The following PTOV1 variants were observed in gnomAD, a reference collection of about 807,000 sequenced individuals.
PTOV1 encodes PTOV1 extended AT-hook containing adaptor protein, also known as prostate tumor-overexpressed gene 1 protein.
Under a neutral mutation model 58.0 loss-of-function variants are expected in PTOV1, and 20 were observed. The observed-to-expected ratio is 0.34, with a 90% CI of 0.24 to 0.50. The LOEUF (loss-of-function observed/expected upper bound fraction) is 0.50, where lower values mean the gene tolerates loss of function less well. Among genes scored for constraint, PTOV1 ranks in the 20% least tolerant of loss-of-function variants. PTOV1 has a pLI of 0.98. For missense variants in PTOV1, 593 were observed against 565.4 expected (o/e 1.05, Z -0.50); for synonymous variants, 335 against 234.2 (o/e 1.43, Z -3.93).
intron 8 of PTOV1, 39 bp downstream of exon 8, chr19:49,858,016 G>C: frequency 6.2e-7 from 1 of 1,613,464 alleles, no homozygotes; most frequent in Non-Finnish European, 8.5e-7. Flanking sequence ...GCATCCAGGG[G>C]AGCTGGGGCT....
At chr19:49,852,952 C>T (rs1247629149) in intron 1 of PTOV1, 1 of 152,212 alleles carries the variant, frequency 6.6e-6, no homozygotes, top group Non-Finnish European at 1.5e-5. Flanking sequence ...CCCGGGGCAA[C>T]ATCCACTCTC....
intron 9 of PTOV1, 191 bp downstream of exon 9, chr19:49,858,305 T>C: frequency 9.9e-6 from 8 of 804,958 alleles, no homozygotes; most frequent in South Asian, 1.8e-5. Flanking sequence ...AGCTGGTGGC[T>C]GTGCAGGGAC....
intron 10 of PTOV1, 185 bp from the exon 11 acceptor site, chr19:49,859,801 C>T (rs2074667039): frequency 3.1e-6 from 2 of 638,800 alleles, no homozygotes; most frequent in Non-Finnish European, 2.7e-6. Context: ...GGCCTTTGGC[C>T]CACCCATTGC....
At chr19:49,858,401 C>G in intron 9 of PTOV1, 148 bp from the exon 10 acceptor site, 1 of 717,054 alleles carries the variant, frequency 1.4e-6, no homozygotes, top group South Asian at 1.8e-5. Context: ...CAGGGTTGGG[C>G]TGGTTGAGCG....
intron 11 of PTOV1, 22 bp from the exon 12 acceptor site, chr19:49,860,246 G>A: frequency 6.2e-7 from 1 of 1,613,742 alleles, no homozygotes; most frequent in Non-Finnish European, 8.5e-7. Flanking sequence ...GCTCACCACT[G>A]GCCTCTGATT....
At chr19:49,850,985 T>G, upstream of PTOV1, 1 of 1,534,920 alleles carries the variant, frequency 6.5e-7, no homozygotes, top group South Asian at 1.2e-5. Context: ...CCACGCCCCC[T>G]GAAGTTGTGG....
At chr19:49,859,484 A>G (rs2074645758) in intron 10 of PTOV1, among the ~76,000 whole-genome samples, 1 of 151,988 alleles carries the variant, frequency 6.6e-6, no homozygotes, top group African/African-American at 2.4e-5. Flanking sequence ...AGTCACAAGA[A>G]TGGCTTGAAC....
exon 1 of PTOV1, chr19:49,851,270 A>T: frequency 9.2e-7 from 1 of 1,088,584 alleles, no homozygotes; most frequent in Non-Finnish European, 1.1e-6. Flanking sequence ...CAGTCGGTGG[A>T]GCCCGCAGCC....
intron 1 of PTOV1, chr19:49,852,364 TCACTC>T (rs1255759425): frequency 6.6e-6 from 1 of 152,318 alleles, no homozygotes; most frequent in Admixed American, 6.5e-5. Flanking sequence ...ACGTACCCCT[TCACTC>T]CACTGCCTTC....
chr19:49,860,390 TGGGG>T, exon 12 of PTOV1: 32 of 341,218 alleles, frequency 9.4e-5, no homozygotes, highest in Non-Finnish European at 1.6e-4. Context: ...GTGGGGGGGG[TGGGG>T]TTGGGAAAGA....
upstream of PTOV1, chr19:49,850,883 G>A (rs1351948126): frequency 6.5e-7 from 1 of 1,535,812 alleles, no homozygotes; most frequent in Non-Finnish European, 8.7e-7. Context: ...GGCTCCGGAT[G>A]AGGTCTCCCG....
At chr19:49,858,620 G>T in exon 10 of PTOV1, 2 of 1,604,436 alleles carry the variant, frequency 1.2e-6, no homozygotes, top group Non-Finnish European at 1.7e-6. Context: ...TGGAGACACT[G>T]AAGAGCCTGT....
rs972400901 is a variant in PTOV1 at position 49,860,206 on chromosome 19, C to T, written c.1239+23C>T. 5 of 1,613,802 alleles carry T rather than the reference C, an allele frequency of 3.1e-6. No individual in the cohort carries two copies. In the African/African-American group the frequency reaches 5.3e-5, roughly 17 times the overall value. ...GGGGTGAGGTGGCCGGCCTCCAGGG[C>T]TGCTCAGTCTCCCTCCACCCCCGCT... On this transcript the variant is annotated intron_variant, in intron 11 of 11. Coordinates refer to ENST00000391842, the Ensembl canonical transcript of PTOV1.
exon 6 of PTOV1, chr19:49,857,023 C>T: frequency 6.2e-7 from 1 of 1,613,996 alleles, no homozygotes; most frequent in Non-Finnish European, 8.5e-7. Context: ...GGTGCGCGTG[C>T]TCATGCTCCT....
intron 1 of PTOV1, chr19:49,851,867 C>CGG (rs1250522302): frequency 2.9e-6 from 2 of 700,868 alleles, no homozygotes; most frequent in Non-Finnish European, 3.5e-6. Flanking sequence ...GAAATGGGGG[C>CGG]GGTTTTGGGG....
At chr19:49,851,840 T>C (rs1372855628) in intron 1 of PTOV1, 1 of 989,904 alleles carries the variant, frequency 1.0e-6, no homozygotes, top group East Asian at 1.1e-4. Flanking sequence ...TTGCTCGCTC[T>C]CCGGGCAGGA....
At chr19:49,851,173 G>GGCGACCCCACTCCGGCGGC (rs1428827304) in exon 1 of PTOV1, 22 of 1,237,088 alleles carry the variant, frequency 1.8e-5, no homozygotes, top group Middle Eastern at 3.2e-4. Context: ...GTTCGGCCGC[G>GGCGACCCCACTCCGGCGGC]GCGACCCCAC....
At chr19:49,860,478 G>A (rs1398487362) in exon 12 of PTOV1, 4 of 802,462 alleles carry the variant, frequency 5.0e-6, no homozygotes, top group East Asian at 5.4e-5. Context: ...TAGGCTGTCG[G>A]GAAACTGCAG....
At chr19:49,859,677 T>C (rs2074659641) in intron 10 of PTOV1, among the ~76,000 whole-genome samples, 1 of 152,202 alleles carries the variant, frequency 6.6e-6, no homozygotes, top group Non-Finnish European at 1.5e-5. Flanking sequence ...GCTCCTGAGT[T>C]GAAGCCATGG....
Sources: gnomAD v4.1 joint callset for allele counts (sites outside exome capture counted in the v4.1 genomes callset) on GRCh38, gnomAD v4.1.1 for gene constraint, MANE v1.5 for transcripts, NCBI Gene and HGNC (gene_info 2026-07-23, HGNC 2026-07-21) for gene names.